Variants in CPA3 observed in about 807,000 individuals in gnomAD.
The protein encoded by CPA3 is mast cell carboxypeptidase A.
Under a neutral mutation model 55.8 loss-of-function variants are expected in CPA3, and 52 were observed. The observed-to-expected ratio is 0.93, with a 90% CI of 0.75 to 1.17. The LOEUF (loss-of-function observed/expected upper bound fraction) is 1.17. Ranked by LOEUF, CPA3 falls within the 50% of genes most tolerant of loss-of-function variation. The pLI is 0.00. For missense variants in CPA3, 547 were observed against 509.1 expected (o/e 1.07, Z -0.72); for synonymous variants, 179 against 171.2 (o/e 1.05, Z -0.36).
At chr3:148,880,152 T>G (rs1303549829) in intron 6 of CPA3, among the ~76,000 whole-genome samples, 2 of 152,232 alleles carry the variant, frequency 1.3e-5, no homozygotes, top group Non-Finnish European at 2.9e-5. Context: ...AAGTTTTTAC[T>G]GTAGTCAAGT....
Position 148,887,859 on chromosome 3 carries a change from C to T in CPA3, c.1066+1682C>T, listed in dbSNP as rs75365946. Among the ~76,000 whole-genome samples, 754 of 152,210 alleles carry T rather than the reference C, an allele frequency of 5.0e-3. 4 individuals carry two copies. Among genetic ancestry groups the T allele is most frequent in the African/African-American group, 0.017 (716 of 41,536 alleles). On this transcript the variant is annotated intron_variant, in intron 10 of 10. Coordinates refer to ENST00000296046, the MANE Select transcript of CPA3 (RefSeq NM_001870.4). ...CATGGAACAACAGCAGAATTAGTTCCCATAAACTTGCTCAATGATAATGGT... is the reference window on the plus strand; with the variant it reads ...CATGGAACAACAGCAGAATTAGTTCTCATAAACTTGCTCAATGATAATGGT...
At chr3:148,888,705 T>C (rs1035456131) in intron 10 of CPA3, among the ~76,000 whole-genome samples, 1 of 152,186 alleles carries the variant, frequency 6.6e-6, no homozygotes, top group African/African-American at 2.4e-5. Flanking sequence ...GAACAAAGCA[T>C]TCCAAACAGG....
Position 148,883,693 on chromosome 3 carries a change from A to G in CPA3, c.859A>G (p.Thr287Ala), listed in dbSNP as rs1214046746. The G allele has an allele frequency of 6.2e-7, 1 of 1,614,120 alleles. No homozygotes were observed. Among genetic ancestry groups the G allele is most frequent in the African/African-American group, 1.3e-5 (1 of 75,054 alleles). ...PESEKETKAV[T>A]NFIRSHLNEI... ...GTCCGAGAAAGAGACGAAAGCTGTC[A>G]CTAATTTCATTAGAAGCCACCTGAA... Residue 287 changes from threonine (T) to alanine (A), a missense_variant, in exon 9 of 11, where the codon ACT becomes GCT. Coordinates refer to ENST00000296046, the MANE Select transcript of CPA3 (RefSeq NM_001870.4).
chr3:148,881,518 A>G lies in CPA3; in HGVS notation c.577-4A>G, dbSNP rs755900684. ...ATAGCTTAATTTTTTTTCACCTCCG[A>G]CAGGCAACCAAAACTTATGGGAGAA... On this transcript the variant is annotated splice_polypyrimidine_tract_variant and splice_region_variant and intron_variant, in intron 6 of 10. Coordinates refer to ENST00000296046, the MANE Select transcript of CPA3 (RefSeq NM_001870.4). The G allele has an allele frequency of 5.6e-5, 90 of 1,603,294 alleles. No homozygotes were observed. Among genetic ancestry groups the G allele is most frequent in the Non-Finnish European group, 7.3e-5 (86 of 1,171,682 alleles).
At chr3:148,891,247 T>C (rs920847095) in intron 10 of CPA3, among the ~76,000 whole-genome samples, 2 of 152,188 alleles carry the variant, frequency 1.3e-5, no homozygotes, top group African/African-American at 4.8e-5. Context: ...ATTATTACTG[T>C]ATTTTATAAA....
At chr3:148,883,555 GC>G (rs933685162) in intron 8 of CPA3, 57 bp from the exon 9 acceptor site, 15 of 1,352,702 alleles carry the variant, frequency 1.1e-5, no homozygotes, top group African/African-American at 1.4e-5. Context: ...ATTAGAAGAG[GC>G]AGGAGCTATA....
At chr3:148,876,127 A>C (rs557845761) in intron 3 of CPA3, among the ~76,000 whole-genome samples, 224 of 152,050 alleles carry the variant, frequency 1.5e-3, no homozygotes, top group Non-Finnish European at 2.3e-3. Context: ...AGTGTAATCA[A>C]AGTAAATGGT....
intron 8 of CPA3, 74 bp from the exon 9 acceptor site, chr3:148,883,539 T>C: frequency 5.0e-6 from 6 of 1,201,228 alleles, no homozygotes; most frequent in South Asian, 3.9e-5. Context: ...TGTGAATCTA[T>C]AATACATTAG....
chr3:148,888,802 T>C (rs1428749919), intron 10 of CPA3, among the ~76,000 whole-genome samples: 1 of 152,232 alleles, frequency 6.6e-6, no homozygotes, highest in African/African-American at 2.4e-5. Context: ...GAGCTGTGCA[T>C]AGCATTGCAT....
intron 10 of CPA3, among the ~76,000 whole-genome samples, chr3:148,895,544 G>A (rs1714803535): frequency 6.6e-6 from 1 of 152,066 alleles, no homozygotes; most frequent in South Asian, 2.1e-4. Flanking sequence ...GTAAGTTACT[G>A]AAGACACCAG....
chr3:148,876,660 A>AACC (rs1714212868), intron 3 of CPA3, among the ~76,000 whole-genome samples: 2 of 152,226 alleles, frequency 1.3e-5, no homozygotes, highest in South Asian at 4.1e-4. Context: ...TACAGGTGTG[A>AACC]ACCACCATGC....
intron 10 of CPA3, among the ~76,000 whole-genome samples, chr3:148,887,195 C>A (rs768747494): frequency 1.3e-5 from 2 of 151,988 alleles, no homozygotes; most frequent in Non-Finnish European, 2.9e-5. Flanking sequence ...GGTACTCAAC[C>A]GGAGAATCAT....
chr3:148,865,441 T>C (rs1713868162), intron 1 of CPA3, 32 bp from the exon 2 acceptor site: 1 of 1,612,166 alleles, frequency 6.2e-7, no homozygotes, highest in Non-Finnish European at 8.5e-7. Flanking sequence ...TCCTTACAGT[T>C]CACTTTTTTT....
In CPA3 at chr3:148,865,320, C is replaced by G; in HGVS notation, c.13C>G (p.Leu5Val). Residue 5 changes from leucine to valine, a missense_variant, in exon 1 of 11, where the codon CTG becomes GTG. Coordinates refer to ENST00000296046, the MANE Select transcript of CPA3 (RefSeq NM_001870.4). MRLI[L>V]PVGLIATTLA... ...GCAAAGAAGAACCATGAGGCTCATC[C>G]TGCCTGTGGGTTTGATTGCTACCAC... 6.2e-7 allele frequency: 1 copy of G among 1,614,142 alleles called. No individual in the cohort carries two copies. Among genetic ancestry groups the G allele is most frequent in the Non-Finnish European group, 8.5e-7 (1 of 1,180,000 alleles).
intron 6 of CPA3, among the ~76,000 whole-genome samples, chr3:148,880,591 C>G (rs1005687276): frequency 1.3e-5 from 2 of 152,156 alleles, no homozygotes; most frequent in African/African-American, 4.8e-5. Flanking sequence ...CTCGGCCTCC[C>G]AAAGTGCTGG....
Position 148,896,812 on chromosome 3 carries a change from T to A in CPA3, c.*105T>A. The A allele has an allele frequency of 1.0e-6, 1 of 956,910 alleles. No individual in the cohort carries two copies. Among genetic ancestry groups the A allele is most frequent in the Non-Finnish European group, 1.5e-6 (1 of 674,826 alleles). 59.3% of individuals were successfully genotyped at this position (956,910 alleles called of 1,614,324 possible). On this transcript the variant is annotated 3_prime_UTR_variant, in exon 11 of 11. Transcript: ENST00000296046. ...AAATGCAGCTTCTATTTCACCTGAA[T>A]CCTTCTCTTGCTCATTTAAGTCCCA...
At chr3:148,873,672 T>C (rs1038158561) in intron 3 of CPA3, among the ~76,000 whole-genome samples, 1 of 152,146 alleles carries the variant, frequency 6.6e-6, no homozygotes, top group Non-Finnish European at 1.5e-5. Context: ...GAAGGCACTA[T>C]TGTACAATGG....
At chr3:148,867,642 GC>G (rs1713941311) in intron 2 of CPA3, among the ~76,000 whole-genome samples, 2 of 152,196 alleles carry the variant, frequency 1.3e-5, no homozygotes, top group Non-Finnish European at 2.9e-5. Context: ...TCATGATGTA[GC>G]TTTTTGATCA....
chr3:148,878,561 T>C lies in CPA3; in HGVS notation c.372+18T>C. ...GGGAAAAGGTACAGTAAAAAATGCC[T>C]GTACTTTTTTTTAAGTTACCCTTAA... On this transcript the variant is annotated intron_variant, in intron 4 of 10. Coordinates refer to ENST00000296046, the MANE Select transcript of CPA3 (RefSeq NM_001870.4). The C allele has an allele frequency of 6.3e-7, 1 of 1,585,510 alleles. No homozygotes were observed.
Sources: allele counts gnomAD v4.1 joint callset (sites outside exome capture counted in the v4.1 genomes callset), GRCh38; gene constraint gnomAD v4.1.1; transcripts MANE v1.5; gene names NCBI Gene and HGNC (gene_info 2026-07-23, HGNC 2026-07-21).